AASDH: variants seen among roughly 807,000 people sequenced by gnomAD.
The protein encoded by AASDH is beta-alanine-activating enzyme.
AASDH carries 81 observed loss-of-function variants against 102.3 expected under a neutral mutation model. The observed-to-expected ratio is 0.79, with a 90% CI of 0.66 to 0.95. AASDH has a LOEUF of 0.95. AASDH is among the 40% of genes least tolerant of loss of function. The pLI is 0.00. For synonymous variants in AASDH, 398 were observed against 454.0 expected (o/e 0.88, Z 1.57); for missense variants, 1,203 against 1,266.2 (o/e 0.95, Z 0.76).
intron 11 of AASDH, among the ~76,000 whole-genome samples, chr4:56,348,184 C>A (rs1217577401): frequency 2.0e-5 from 3 of 151,064 alleles, no homozygotes; most frequent in South Asian, 2.1e-4. Context: ...TACATGAATT[C>A]TTTGATGTAC....
chr4:56,339,249 G>A (rs1747325960), intron 14 of AASDH, among the ~76,000 whole-genome samples: 2 of 151,998 alleles, frequency 1.3e-5, no homozygotes, highest in South Asian at 4.2e-4. Flanking sequence ...TGCTTGCCAG[G>A]TTGAAGCGCT....
At chr4:56,368,476 C>T (rs1578032030) in intron 5 of AASDH, among the ~76,000 whole-genome samples, 1 of 152,032 alleles carries the variant, frequency 6.6e-6, no homozygotes, top group South Asian at 2.1e-4. Flanking sequence ...ACCCAAATGT[C>T]CAACAATGAT....
chr4:56,349,423 G>A lies in AASDH; in HGVS notation c.2328C>T (p.Pro776=). 2 of 1,613,922 alleles carry A rather than the reference G, an allele frequency of 1.2e-6. No homozygotes were observed. Among genetic ancestry groups the A allele is most frequent in the Non-Finnish European group, 8.5e-7 (1 of 1,179,970 alleles). The change falls in exon 11 of 15, where the codon CCC becomes CCT. Residue 776 remains proline (P), a synonymous_variant. Coordinates refer to ENST00000205214, the MANE Select transcript of AASDH (RefSeq NM_181806.4). ...CAGTTGTAGATGACTTATCAAAAGT[G>A]GGTATTACAACCAGCGGTGAAGCAT... is the stretch of plus-strand genomic sequence containing the variant. ...CVDASPLVVI[P]TFDKSSTTVY...
chr4:56,365,166 T>C (rs1170588301), intron 5 of AASDH, among the ~76,000 whole-genome samples: 3 of 151,756 alleles, frequency 2.0e-5, no homozygotes, highest in Non-Finnish European at 2.9e-5. Flanking sequence ...CAAGAAGAGC[T>C]AACTATCCTA....
chr4:56,357,727 C>T (rs1749791105), intron 5 of AASDH, among the ~76,000 whole-genome samples: 1 of 151,472 alleles, frequency 6.6e-6, no homozygotes, highest in Non-Finnish European at 1.5e-5. Context: ...GGCCTGCCTT[C>T]TTTCACTCAA....
In AASDH at chr4:56,341,389, C is replaced by CTTTTTTTTTTTTTTTT. The variant is rs575687659; in HGVS notation, c.2907+1430_2907+1445dup. 4.1e-3 allele frequency among the ~76,000 whole-genome samples: 379 copies of CTTTTTTTTTTTTTTTT among 92,396 alleles called. 26 individuals carry two copies. Among genetic ancestry groups the CTTTTTTTTTTTTTTTT allele is most frequent in the Non-Finnish European group, 5.4e-3 (267 of 49,556 alleles). The allele number at this position is 92,396 out of a possible 152,430, so 60.6% of individuals were successfully genotyped here. ...CATGGATGGAACTGGAGACTTTTAT[C>CTTTTTTTTTTTTTTTT]TTTTTTTTTTTTTTTTTTTTTGGAG... On this transcript the variant is annotated intron_variant, in intron 14 of 14. Transcript: ENST00000205214.
At position 56,382,585 on chromosome 4, in the gene AASDH, G is replaced by C; in HGVS notation, c.243C>G (p.Val81=). 6.2e-7 allele frequency: 1 copy of C among 1,607,150 alleles called. No individual in the cohort carries two copies. Residue 81 remains valine (V), a synonymous_variant, in exon 3 of 15, where the codon GTC becomes GTG. Coordinates refer to ENST00000205214, the MANE Select transcript of AASDH (RefSeq NM_181806.4). ...LPSWILGILQ[V]PAAYVPIEPD... ...GCTCGATAGGTACATAAGCAGCCGG[G>C]ACTTGGAGAATTCTAAAGAAAAAAG...
intron 5 of AASDH, among the ~76,000 whole-genome samples, chr4:56,358,189 G>C (rs1749844666): frequency 6.6e-6 from 1 of 151,242 alleles, no homozygotes; most frequent in African/African-American, 2.4e-5. Flanking sequence ...TTTGTATATT[G>C]ATCTTCTATC....
In AASDH at chr4:56,353,708, T is replaced by C. The variant is rs1749259530; in HGVS notation, c.1384-112A>G. ...AACAGCTGAATTAAATTTTGGAATA[T>C]ACTGGAGATTTTTAAAAAATTGCTT... On this transcript the variant is annotated intron_variant, in intron 8 of 14. Coordinates refer to ENST00000205214, the MANE Select transcript of AASDH (RefSeq NM_181806.4). 5.1e-6 allele frequency: 5 copies of C among 985,974 alleles called. No homozygotes were observed. The Admixed American group carries it at 9.3e-5, about 18-fold the overall frequency. 61.1% of individuals were successfully genotyped at this position (985,974 alleles called of 1,614,324 possible).
At chr4:56,339,221 T>G (rs1328123365) in intron 14 of AASDH, among the ~76,000 whole-genome samples, 3 of 151,934 alleles carry the variant, frequency 2.0e-5, no homozygotes, top group African/African-American at 4.8e-5. Context: ...TGGCATGATC[T>G]CAGCTCACTG....
intron 4 of AASDH, among the ~76,000 whole-genome samples, chr4:56,375,965 A>C (rs1177887358): frequency 1.3e-5 from 2 of 148,974 alleles, no homozygotes; most frequent in Non-Finnish European, 3.0e-5. Flanking sequence ...CTAATTCATT[A>C]TTTAAACCAA....
At chr4:56,378,494 T>C (rs769518873) in intron 3 of AASDH, 30 bp from the exon 4 acceptor site, 2 of 1,483,248 alleles carry the variant, frequency 1.3e-6, no homozygotes, top group Admixed American at 4.3e-5. Flanking sequence ...AAGTTTACAG[T>C]ATTAGTATGT....
rs149367967 is a variant in AASDH at position 56,378,269 on chromosome 4, GTTC to G, written c.544_546del (p.Glu182del). 3.1e-3 allele frequency: 5,025 copies of G among 1,614,142 alleles called. 147 individuals are homozygous for G. In the African/African-American group the frequency reaches 0.058, roughly 19 times the overall value. ...CAATGCTTTAGCCTCAGATCCATGT[GTTC>G]TTCTGCTTTTTCTTCATTGACATGC... On this transcript the variant is annotated inframe_deletion, in exon 4 of 15. Transcript: ENST00000205214.
intron 9 of AASDH, among the ~76,000 whole-genome samples, chr4:56,352,918 C>T (rs1463279983): frequency 1.3e-5 from 2 of 152,092 alleles, no homozygotes; most frequent in East Asian, 3.8e-4. Context: ...TTTTATCTAT[C>T]TATATATTGG....
At chr4:56,368,713 C>G (rs1751327838) in intron 5 of AASDH, among the ~76,000 whole-genome samples, 1 of 101,010 alleles carries the variant, frequency 9.9e-6, no homozygotes, top group Admixed American at 1.5e-4. Context: ...ACACTGGGGA[C>G]TTTTGTGGGG....
chr4:56,353,501 T>G lies in AASDH; in HGVS notation c.1479A>C (p.Val493=). Residue 493 remains valine (V), a synonymous_variant, in exon 9 of 15, where the codon GTA becomes GTC. Coordinates refer to ENST00000205214, the MANE Select transcript of AASDH (RefSeq NM_181806.4). Reference sequence around the variant, plus strand: ...GCAGTTCTTTAAAGATGTATTCTTTTACTGAAGCATCTTTAGACACCATGA... The same window carrying G: ...GCAGTTCTTTAAAGATGTATTCTTTGACTGAAGCATCTTTAGACACCATGA... ...ILFMVSKDAS[V]KEYIFKELQK... 1 of 1,613,846 alleles carries G rather than the reference T, an allele frequency of 6.2e-7. No individual in the cohort carries two copies. The highest frequency in any genetic ancestry group is 8.5e-7 in the Non-Finnish European group (1 of 1,179,886).
chr4:56,385,402 A>G (rs1442236369), intron 1 of AASDH, among the ~76,000 whole-genome samples: 1 of 152,232 alleles, frequency 6.6e-6, no homozygotes, highest in Non-Finnish European at 1.5e-5. Context: ...CAGTATATCA[A>G]TGCAATGTTC....
chr4:56,365,499 C>A (rs1220806444), intron 5 of AASDH, among the ~76,000 whole-genome samples: 1 of 152,028 alleles, frequency 6.6e-6, no homozygotes, highest in Admixed American at 6.6e-5. Context: ...TGTAAAAGAA[C>A]AGAAATTATA....
chr4:56,363,868 C>A (rs937753706), intron 5 of AASDH, among the ~76,000 whole-genome samples: 2 of 152,124 alleles, frequency 1.3e-5, no homozygotes, highest in African/African-American at 4.8e-5. Context: ...CAAAGCTGGA[C>A]AGAGAATGAC....
Sources: gnomAD v4.1 joint callset for allele counts (sites outside exome capture counted in the v4.1 genomes callset) on GRCh38, gnomAD v4.1.1 for gene constraint, MANE v1.5 for transcripts, NCBI Gene and HGNC (gene_info 2026-07-23, HGNC 2026-07-21) for gene names.